CLVS1: variants seen among roughly 807,000 people sequenced by gnomAD.
CLVS1 encodes the protein clavesin 1.
Under a neutral mutation model 33.1 loss-of-function variants are expected in CLVS1, and 10 were observed. The observed-to-expected ratio is 0.30, with a 90% CI of 0.19 to 0.51. The LOEUF (loss-of-function observed/expected upper bound fraction) is 0.51, where lower values mean the gene tolerates loss of function less well. CLVS1 is among the 20% of genes least tolerant of loss of function. CLVS1 has a pLI of 0.97. For missense variants in CLVS1, 343 were observed against 433.4 expected (o/e 0.79, Z 1.85); for synonymous variants, 163 against 166.1 (o/e 0.98, Z 0.14).
the CLVS1 span, among the ~76,000 whole-genome samples, chr8:61,004,754 G>A: frequency 8.5e-4 from 129 of 152,272 alleles, 1 homozygote; most frequent in Middle Eastern, 3.4e-3. Context: ...CGCACCCTGG[G>A]GCAGGAAGGG....
intron 2 of CLVS1, among the ~76,000 whole-genome samples, chr8:61,183,188 G>C (rs1290074523): frequency 6.6e-6 from 1 of 152,006 alleles, no homozygotes; most frequent in Admixed American, 6.6e-5. Context: ...GAGAGCATCA[G>C]GACAAATAGC....
At chr8:61,102,681 T>C (rs1158036596) in intron 1 of CLVS1, among the ~76,000 whole-genome samples, 1 of 152,206 alleles carries the variant, frequency 6.6e-6, no homozygotes, top group Non-Finnish European at 1.5e-5. Flanking sequence ...CCTCACAAGT[T>C]CTTCACTCCT....
At chr8:61,480,551 C>A (rs1490306051) in intron 5 of CLVS1, among the ~76,000 whole-genome samples, 1 of 150,384 alleles carries the variant, frequency 6.6e-6, no homozygotes, top group African/African-American at 2.4e-5. Flanking sequence ...GATGCCTCAC[C>A]CTGCTTTGGC....
chr8:61,248,848 G>A (rs1241159589), intron 2 of CLVS1, among the ~76,000 whole-genome samples: 1 of 152,076 alleles, frequency 6.6e-6, no homozygotes, highest in Non-Finnish European at 1.5e-5. Flanking sequence ...ATTAGGGCAT[G>A]TAATACATTT....
At position 61,223,651 on chromosome 8, in the gene CLVS1, G is replaced by A. The variant is rs928515660; in HGVS notation, c.-151-76026G>A. On this transcript the variant is annotated intron_variant, in intron 2 of 2. Transcript: ENST00000522621. ...CAAACTTGGAGAATCTGATGATTAT[G>A]TGTCTTGAGGTTGATCTTCTCATGG... Among the ~76,000 whole-genome samples the A allele has an allele frequency of 1.6e-4, 24 of 152,124 alleles. No individual in the cohort carries two copies. The East Asian group carries it at 4.2e-3, about 27-fold the overall frequency.
intron 1 of CLVS1, among the ~76,000 whole-genome samples, chr8:61,101,628 C>A (rs529148638): frequency 2.6e-4 from 39 of 152,096 alleles, no homozygotes; most frequent in Admixed American, 1.0e-3. Flanking sequence ...TTGATGATGT[C>A]TGGTTTATTT....
chr8:61,472,340 G>A (rs953592803), intron 5 of CLVS1, among the ~76,000 whole-genome samples: 2 of 151,948 alleles, frequency 1.3e-5, no homozygotes, highest in African/African-American at 4.8e-5. Context: ...TCTGGAGAGG[G>A]GAGGGAAGGA....
chr8:61,463,698 G>A (rs1007578558), intron 5 of CLVS1, among the ~76,000 whole-genome samples: 3 of 151,920 alleles, frequency 2.0e-5, no homozygotes, highest in African/African-American at 7.3e-5. Context: ...CACATTTCAC[G>A]GTACCCCCAA....
intron 3 of CLVS1, among the ~76,000 whole-genome samples, chr8:61,387,464 T>C (rs552102556): frequency 8.7e-6 from 1 of 114,688 alleles, no homozygotes; most frequent in African/African-American, 2.8e-5. Flanking sequence ...ACTGTACAGT[T>C]CCTTTTTTTT....
intron 2 of CLVS1, among the ~76,000 whole-genome samples, chr8:61,190,066 A>G (rs997716295): frequency 3.3e-5 from 5 of 152,220 alleles, no homozygotes; most frequent in Non-Finnish European, 7.3e-5. Flanking sequence ...TCAACAGAAT[A>G]TACATTCTTC....
chr8:61,179,542 C>A (rs770566906), intron 2 of CLVS1, among the ~76,000 whole-genome samples: 3 of 152,200 alleles, frequency 2.0e-5, no homozygotes, highest in Non-Finnish European at 2.9e-5. Flanking sequence ...AATATACATT[C>A]TTCTCAGTGC....
intron 1 of CLVS1, among the ~76,000 whole-genome samples, chr8:61,073,168 A>C (rs1804830869): frequency 2.6e-5 from 4 of 152,230 alleles, no homozygotes; most frequent in Admixed American, 2.6e-4. Context: ...TTTAGGAAGA[A>C]TCAGATACAT....
At chr8:61,147,418 A>T (rs1806442510) in intron 2 of CLVS1, among the ~76,000 whole-genome samples, 1 of 152,110 alleles carries the variant, frequency 6.6e-6, no homozygotes, top group South Asian at 2.1e-4. Context: ...TAATTGAAAA[A>T]ACCCGGGTGT....
chr8:61,203,064 C>A, intron 2 of CLVS1: 4 of 1,307,506 alleles, frequency 3.1e-6, no homozygotes, highest in Non-Finnish European at 3.3e-6. Context: ...CCAAAAGGAC[C>A]TAGTTCTGTA....
At chr8:61,138,429 G>A (rs550899993) in intron 2 of CLVS1, among the ~76,000 whole-genome samples, 5 of 152,364 alleles carry the variant, frequency 3.3e-5, no homozygotes, top group African/African-American at 1.2e-4. Flanking sequence ...GGCAGGGACA[G>A]GGAGTGGCTG....
the CLVS1 span, among the ~76,000 whole-genome samples, chr8:61,010,436 A>G: frequency 6.6e-6 from 1 of 152,232 alleles, no homozygotes; most frequent in Non-Finnish European, 1.5e-5. Context: ...TATGGGATAC[A>G]CTTATACTAA....
the CLVS1 span, among the ~76,000 whole-genome samples, chr8:60,975,527 G>A: frequency 6.6e-6 from 1 of 152,104 alleles, no homozygotes; most frequent in Non-Finnish European, 1.5e-5. Flanking sequence ...AGAGGTTGGA[G>A]TTATGCTGCC....
chr8:60,993,715 A>G, the CLVS1 span, among the ~76,000 whole-genome samples: 1 of 152,154 alleles, frequency 6.6e-6, no homozygotes, highest in Non-Finnish European at 1.5e-5. Context: ...AGCGGCTAGC[A>G]CCGCCTCTTA....
intron 3 of CLVS1, among the ~76,000 whole-genome samples, chr8:61,382,099 T>A (rs1311281027): frequency 1.3e-5 from 2 of 152,172 alleles, no homozygotes; most frequent in African/African-American, 4.8e-5. Context: ...TGTTCACTTC[T>A]CTTTGGCAAA....
Sources: gnomAD v4.1 joint callset for allele counts (sites outside exome capture counted in the v4.1 genomes callset) on GRCh38, gnomAD v4.1.1 for gene constraint, MANE v1.5 for transcripts, NCBI Gene and HGNC (gene_info 2026-07-23, HGNC 2026-07-21) for gene names.